ATXN8OS: variants seen among roughly 807,000 people sequenced by gnomAD.
ATXN8OS encodes the protein ATXN8 opposite strand (non-protein coding).
chr13:70,157,933 T>C (rs1307379630), intron 4 of ATXN8OS, among the ~76,000 whole-genome samples: 1 of 152,192 alleles, frequency 6.6e-6, no homozygotes, highest in Non-Finnish European at 1.5e-5. Context: ...AATTAGTACA[T>C]GCAGGAAATA....
chr13:70,107,841 G>A, exon 1 of ATXN8OS: 1 of 638,510 alleles, frequency 1.6e-6, no homozygotes, highest in South Asian at 2.5e-5. Flanking sequence ...ACGCTAGGTG[G>A]GCTGCGCGCT....
At chr13:70,158,974 A>G (rs895841064) in intron 4 of ATXN8OS, among the ~76,000 whole-genome samples, 2 of 152,022 alleles carry the variant, frequency 1.3e-5, no homozygotes, top group African/African-American at 4.8e-5. Context: ...AAATTCAAAT[A>G]TTTTACTTTG....
At chr13:70,149,612 A>C (rs991619563) in intron 4 of ATXN8OS, among the ~76,000 whole-genome samples, 2 of 152,172 alleles carry the variant, frequency 1.3e-5, no homozygotes, top group Non-Finnish European at 2.9e-5. Context: ...ACTAGCAGTC[A>C]GAAGACATTT....
chr13:70,116,703 C>G (rs770867451), intron 2 of ATXN8OS, among the ~76,000 whole-genome samples: 3 of 152,088 alleles, frequency 2.0e-5, no homozygotes, highest in Non-Finnish European at 4.4e-5. Flanking sequence ...TCTAAGATCA[C>G]TCTGGCAGAT....
chr13:70,110,413 T>C (rs1442949516), intron 1 of ATXN8OS, among the ~76,000 whole-genome samples: 2 of 152,108 alleles, frequency 1.3e-5, no homozygotes, highest in African/African-American at 4.8e-5. Context: ...CATGAAGTTA[T>C]GTTAAACTGA....
intron 4 of ATXN8OS, among the ~76,000 whole-genome samples, chr13:70,157,132 G>T (rs958387515): frequency 6.7e-6 from 1 of 148,946 alleles, no homozygotes; most frequent in South Asian, 2.1e-4. Context: ...CCGATTTTTT[G>T]ATTAAAGGCT....
intron 4 of ATXN8OS, among the ~76,000 whole-genome samples, chr13:70,150,790 A>G (rs1888855698): frequency 6.6e-6 from 1 of 152,126 alleles, no homozygotes; most frequent in Non-Finnish European, 1.5e-5. Flanking sequence ...ACTACATTGC[A>G]CACTATTCAC....
chr13:70,165,467 T>C (rs898971402), intron 4 of ATXN8OS, among the ~76,000 whole-genome samples: 3 of 151,984 alleles, frequency 2.0e-5, no homozygotes, highest in African/African-American at 4.8e-5. Context: ...TATTGAATAC[T>C]ATAATTTCAA....
intron 1 of ATXN8OS, among the ~76,000 whole-genome samples, chr13:70,110,357 C>G (rs1276437393): frequency 2.0e-5 from 3 of 151,836 alleles, no homozygotes; most frequent in African/African-American, 7.3e-5. Context: ...TAAAATTCAA[C>G]TTTATTATCA....
At chr13:70,143,429 T>G (rs924284986) in intron 3 of ATXN8OS, among the ~76,000 whole-genome samples, 1 of 152,148 alleles carries the variant, frequency 6.6e-6, no homozygotes, top group African/African-American at 2.4e-5. Flanking sequence ...AATTAGTTCC[T>G]TATTATAAAC....
At chr13:70,163,413 C>A (rs1045573374) in intron 4 of ATXN8OS, among the ~76,000 whole-genome samples, 3 of 151,986 alleles carry the variant, frequency 2.0e-5, no homozygotes, top group Non-Finnish European at 4.4e-5. Context: ...ATATGTCCAC[C>A]CCATGAGACT....
intron 1 of ATXN8OS, among the ~76,000 whole-genome samples, chr13:70,111,437 A>G (rs923049263): frequency 9.9e-5 from 15 of 152,192 alleles, no homozygotes; most frequent in African/African-American, 3.4e-4. Context: ...CTGCACAGGC[A>G]TCATATGGCA....
At chr13:70,117,089 C>T (rs759242813) in intron 2 of ATXN8OS, among the ~76,000 whole-genome samples, 9 of 152,014 alleles carry the variant, frequency 5.9e-5, no homozygotes, top group Non-Finnish European at 1.2e-4. Flanking sequence ...TAAACTTGTA[C>T]TTATGCAACA....
At chr13:70,159,743 T>C (rs1888981205) in intron 4 of ATXN8OS, among the ~76,000 whole-genome samples, 1 of 152,206 alleles carries the variant, frequency 6.6e-6, no homozygotes, top group African/African-American at 2.4e-5. Flanking sequence ...CCTGTTCTTC[T>C]TTCCTGTAGT....
Position 70,139,377 on chromosome 13 carries a change from A to ACTACTACTACTACTACTGCTG in ATXN8OS, n.500-7970_500-7969insACTACTACTGCTGCTACTACT. ...TACTACTACTACTACTACTACTACTACTACTACTGCTGCTGCTGCTGCTGC... is the reference window on the plus strand; with the variant it reads ...TACTACTACTACTACTACTACTACTACTACTACTACTACTACTGCTGCTACTACTGCTGCTGCTGCTGCTGC... On this transcript the variant is annotated intron_variant and non_coding_transcript_variant, in intron 3 of 4. Coordinates refer to ENST00000678624, the Ensembl canonical transcript of ATXN8OS. The ACTACTACTACTACTACTGCTG allele has an allele frequency of 3.1e-6, 2 of 645,384 alleles. 1 individual carries two copies. The highest frequency in any genetic ancestry group is 5.2e-6 in the Non-Finnish European group (2 of 386,754). The allele number at this position is 645,384 out of a possible 1,614,324, so 40.0% of individuals were successfully genotyped here. A position where few individuals can be genotyped will look rare whatever the true frequency, so the allele number is the denominator to read the frequency against.
chr13:70,129,477 T>G (rs148879599), intron 2 of ATXN8OS, among the ~76,000 whole-genome samples: 1 of 152,144 alleles, frequency 6.6e-6, no homozygotes, highest in African/African-American at 2.4e-5. Flanking sequence ...GCTTTCTTTC[T>G]AATACAACTC....
chr13:70,129,797 C>A (rs943260229), exon 3 of ATXN8OS: 32 of 398,216 alleles, frequency 8.0e-5, no homozygotes, highest in Non-Finnish European at 1.4e-4. Context: ...TGGCAACCAC[C>A]CCATCAATGA....
chr13:70,171,538 C>A (rs1197940801), exon 5 of ATXN8OS, among the ~76,000 whole-genome samples: 1 of 152,202 alleles, frequency 6.6e-6, no homozygotes, highest in East Asian at 1.9e-4. Flanking sequence ...CACCAGAATG[C>A]ATTGTGCTAC....
In ATXN8OS at chr13:70,147,192, T is replaced by C. The variant is rs548081075; in HGVS notation, n.500-163T>C. ...AATACAACTAACTTCGAAAAGGGAC[T>C]TGCGTTCTAGAAAAGAAATATTGTT... is the stretch of plus-strand genomic sequence containing the variant. On this transcript the variant is annotated intron_variant and non_coding_transcript_variant, in intron 3 of 4. Transcript: ENST00000678624. Among the ~76,000 whole-genome samples the C allele has an allele frequency of 3.3e-5, 5 of 152,270 alleles. No homozygotes were observed. The East Asian group carries it at 9.7e-4, about 29-fold the overall frequency.
Sources: gnomAD v4.1 joint callset for allele counts (sites outside exome capture counted in the v4.1 genomes callset) on GRCh38, gnomAD v4.1.1 for gene constraint, MANE v1.5 for transcripts, NCBI Gene and HGNC (gene_info 2026-07-23, HGNC 2026-07-21) for gene names.